ZNF354A: variants seen among roughly 807,000 people sequenced by gnomAD.
ZNF354A encodes the protein epididymis luminal protein 104.
Under a neutral mutation model 53.3 loss-of-function variants are expected in ZNF354A, and 25 were observed. That is an observed-to-expected ratio of 0.47 (90% CI 0.34 to 0.66). The LOEUF (loss-of-function observed/expected upper bound fraction) is 0.66. Ranked by LOEUF, ZNF354A falls within the 30% of genes least tolerant of loss-of-function variation. ZNF354A has a pLI of 0.01. For missense variants in ZNF354A, 586 were observed against 716.8 expected, an observed-to-expected ratio of 0.82 and a Z score of 2.08; for synonymous variants, 228 against 249.0, an observed-to-expected ratio of 0.92 and a Z score of 0.79.
intron 3 of ZNF354A, 41 bp from the exon 4 acceptor site, chr5:178,725,512 T>A: frequency 6.3e-7 from 1 of 1,592,194 alleles, no homozygotes; most frequent in Non-Finnish European, 8.6e-7. Flanking sequence ...AAATCAGACT[T>A]GGTTTTGTAT....
In ZNF354A at chr5:178,712,111, A is replaced by C; in HGVS notation, c.1767T>G (p.His589Gln). The C allele has an allele frequency of 6.2e-7, 1 of 1,612,878 alleles. No individual in the cohort carries two copies. The highest frequency in any genetic ancestry group is 2.2e-5 in the East Asian group (1 of 44,844). Reference sequence around the variant, plus strand: ...TATAATGATTAGTAAGGGATGACCTATGGTTGAAAAGTTTCCCACATGTAT... The same window carrying C: ...TATAATGATTAGTAAGGGATGACCTCTGGTTGAAAAGTTTCCCACATGTAT... ...ECNTCGKLFNHRSSLTNHYKI... is the reference protein window; with the variant it reads ...ECNTCGKLFNQRSSLTNHYKI... Residue 589 changes from histidine (H) to glutamine (Q), a missense_variant, in exon 5 of 5, where the codon CAT (histidine) becomes CAG (glutamine). Coordinates refer to ENST00000335815, the MANE Select transcript of ZNF354A (RefSeq NM_005649.3).
intron 4 of ZNF354A, among the ~76,000 whole-genome samples, chr5:178,716,181 C>T (rs537672053): frequency 7.2e-5 from 11 of 152,258 alleles, no homozygotes; most frequent in Non-Finnish European, 1.0e-4. Context: ...CAGGTGTGAG[C>T]CATCATGCCC....
At chr5:178,718,173 C>T (rs193211515) in intron 4 of ZNF354A, among the ~76,000 whole-genome samples, 15 of 152,260 alleles carry the variant, frequency 9.9e-5, no homozygotes, top group African/African-American at 3.4e-4. Context: ...CAGAAGCAGA[C>T]GTAAGTTTTG....
In ZNF354A at chr5:178,713,434, G is replaced by A; in HGVS notation, c.444C>T (p.Thr148=). The change falls in exon 5 of 5, where the codon ACC becomes ACT. Residue 148 remains threonine (T), a synonymous_variant. Transcript: ENST00000335815. ...KKGSFQIVSA[T]HKKIPTIERS... ...TTTCTATAGTGGGGATTTTTTTGTG[G>A]GTGGCTGAAACTATCTGAAAACTTC... 6.2e-7 allele frequency: 1 copy of A among 1,612,846 alleles called. No individual in the cohort carries two copies. Among genetic ancestry groups the A allele is most frequent in the African/African-American group, 1.3e-5 (1 of 74,774 alleles).
intron 4 of ZNF354A, among the ~76,000 whole-genome samples, chr5:178,719,713 C>T (rs570452391): frequency 2.6e-5 from 4 of 151,994 alleles, no homozygotes; most frequent in Non-Finnish European, 5.9e-5. Context: ...TTTGGGAGGC[C>T]GAGGCGGGCG....
chr5:178,713,004 G>A lies in ZNF354A; in HGVS notation c.874C>T (p.His292Tyr), dbSNP rs1237241310. The A allele has an allele frequency of 6.2e-7, 1 of 1,614,106 alleles. No individual in the cohort carries two copies. Among genetic ancestry groups the A allele is most frequent in the Non-Finnish European group, 8.5e-7 (1 of 1,180,008 alleles). The stretch of plus-strand genomic sequence containing the variant: ...CATCTGTAGGATTTCTCCACAGTAT[G>A]GGTTCTTAGATGTTTATAAAGGGAT... ...STSLYKHLRT[H>Y]TVEKSYRCKE... is the part of the protein sequence containing the mutation. Residue 292 changes from histidine to tyrosine, a missense_variant, in exon 5 of 5, where the codon CAT (histidine) becomes TAT (tyrosine). Physicochemically the swap from His to Tyr is moderately conservative, Grantham distance 83. Around this residue, in one of 2 missense-constraint regions of ZNF354A, gnomAD observed 573 missense variants for 680.1 expected, o/e 0.84. Coordinates refer to ENST00000335815, the MANE Select transcript of ZNF354A (RefSeq NM_005649.3).
chr5:178,714,801 A>G (rs933936133), intron 4 of ZNF354A, among the ~76,000 whole-genome samples: 2 of 152,226 alleles, frequency 1.3e-5, no homozygotes, highest in African/African-American at 2.4e-5. Flanking sequence ...ATACATACAT[A>G]CACATACACA....
At chr5:178,728,782 C>CAAAGAAAAAAAAAAAAAAAAA (rs1765964328) in intron 2 of ZNF354A, among the ~76,000 whole-genome samples, 1 of 50,884 alleles carries the variant, frequency 2.0e-5, no homozygotes, top group African/African-American at 9.4e-5. Context: ...AAGCGAGATT[C>CAAAGAAAAAAAAAAAAAAAAA]AAAAAAAAAA....
rs775107331 is a variant in ZNF354A, at chr5:178,712,649, T to C, written c.1229A>G (p.Tyr410Cys). The C allele has an allele frequency of 6.2e-7, 1 of 1,614,152 alleles. No homozygotes were observed. Among genetic ancestry groups the C allele is most frequent in the Non-Finnish European group, 8.5e-7 (1 of 1,180,004 alleles). ...GCCTTTCCCACATTCATTGCATCTA[T>C]AGGGCTTTTCTCCGGTGTGAATTCT... ...HERIHTGEKPYRCNECGKGFT... is the reference protein window; with the variant it reads ...HERIHTGEKPCRCNECGKGFT... Residue 410 changes from tyrosine (Y) to cysteine (C), a missense_variant, in exon 5 of 5, where the codon TAT becomes TGT. Physicochemically the swap from Tyr to Cys is radical, Grantham distance 194 (BLOSUM62 -2). Around this residue, in one of 2 missense-constraint regions of ZNF354A, gnomAD observed 573 missense variants for 680.1 expected, o/e 0.84. Coordinates refer to ENST00000335815, the MANE Select transcript of ZNF354A (RefSeq NM_005649.3).
chr5:178,719,480 G>T (rs1041334027), intron 4 of ZNF354A, among the ~76,000 whole-genome samples: 6 of 152,214 alleles, frequency 3.9e-5, no homozygotes, highest in Admixed American at 6.5e-5. Context: ...CGTAAGAATT[G>T]ACATATAAGA....
chr5:178,724,504 C>T (rs993692104), intron 4 of ZNF354A, among the ~76,000 whole-genome samples: 1 of 152,174 alleles, frequency 6.6e-6, no homozygotes, highest in East Asian at 1.9e-4. Flanking sequence ...GGATGACAGG[C>T]GTGAGCCACC....
At chr5:178,719,669 C>T (rs961956849) in intron 4 of ZNF354A, among the ~76,000 whole-genome samples, 6 of 152,210 alleles carry the variant, frequency 3.9e-5, no homozygotes, top group Middle Eastern at 3.4e-3. Context: ...CACTTGCGGC[C>T]GGGCGCGGTG....
In ZNF354A at chr5:178,723,905, C is replaced by A. The variant is rs1231141078; in HGVS notation, c.256+1471G>T. On this transcript the variant is annotated intron_variant, in intron 4 of 4. Transcript: ENST00000335815. ...AGATTCCTCCTGCTTAAGCACCTCG[C>A]AAATGCTGTTTCCTGAAATTCGGGC... 1.9e-3 allele frequency among the ~76,000 whole-genome samples: 292 copies of A among 152,134 alleles called. 2 individuals carry two copies. The highest frequency in any genetic ancestry group is 6.7e-3 in the African/African-American group (279 of 41,512).
chr5:178,728,758 C>T (rs1765962090), intron 2 of ZNF354A, among the ~76,000 whole-genome samples: 1 of 135,034 alleles, frequency 7.4e-6, no homozygotes, highest in African/African-American at 2.9e-5. Flanking sequence ...GATCCCGCCA[C>T]TGCCTGGGCG....
At chr5:178,723,762 G>A (rs1168316058) in intron 4 of ZNF354A, among the ~76,000 whole-genome samples, 5 of 151,918 alleles carry the variant, frequency 3.3e-5, no homozygotes, top group African/African-American at 7.2e-5. Context: ...AGCTGTGGGC[G>A]AGGGTTCAAC....
intron 4 of ZNF354A, among the ~76,000 whole-genome samples, chr5:178,717,160 A>G (rs1388312356): frequency 6.6e-6 from 1 of 151,960 alleles, no homozygotes; most frequent in Non-Finnish European, 1.5e-5. Context: ...TCTAAGGCCC[A>G]GGTCATCCTA....
At chr5:178,719,684 A>C (rs1212802558) in intron 4 of ZNF354A, among the ~76,000 whole-genome samples, 2 of 152,128 alleles carry the variant, frequency 1.3e-5, no homozygotes, top group African/African-American at 2.4e-5. Flanking sequence ...GCGGTGGCTC[A>C]CGCCTGTAAT....
chr5:178,715,235 C>T (rs1335495436), intron 4 of ZNF354A, among the ~76,000 whole-genome samples: 1 of 152,190 alleles, frequency 6.6e-6, no homozygotes, highest in Non-Finnish European at 1.5e-5. Flanking sequence ...ACTGTATTTG[C>T]GATTCCTGTA....
rs778276728 is a variant in ZNF354A at position 178,713,405 on chromosome 5, C to G, written c.473G>C (p.Ser158Thr). The G allele has an allele frequency of 6.2e-7, 1 of 1,613,662 alleles. No homozygotes were observed. ...TTGGCTCAATTCAGTATTTTTATGG[C>G]TTCTTTCTATAGTGGGGATTTTTTT... ...THKKIPTIER[S>T]HKNTELSQNF... The change falls in exon 5 of 5, where the codon AGC becomes ACC. Residue 158 changes from serine (S) to threonine (T), a missense_variant. Ser to Thr is a moderately conservative substitution (Grantham distance 58). This residue lies in a region of ZNF354A where 573 missense variants were observed against 680.1 expected (regional missense o/e 0.84). Coordinates refer to ENST00000335815, the MANE Select transcript of ZNF354A (RefSeq NM_005649.3).
Sources: allele counts gnomAD v4.1 joint callset (sites outside exome capture counted in the v4.1 genomes callset), GRCh38; gene constraint gnomAD v4.1.1; regional missense constraint gnomAD v4.1.1; transcripts MANE v1.5; gene names NCBI Gene and HGNC (gene_info 2026-07-23, HGNC 2026-07-21).